Variants in BTBD1 observed in about 807,000 individuals in gnomAD.
The protein encoded by BTBD1 is BTB domain containing 1.
Under a neutral mutation model 48.0 loss-of-function variants are expected in BTBD1, and 34 were observed. That is an observed-to-expected ratio of 0.71 (90% CI 0.54 to 0.94). BTBD1 has a LOEUF of 0.94. Among genes scored for constraint, BTBD1 ranks in the 40% least tolerant of loss-of-function variants. The pLI is 0.00. For synonymous variants in BTBD1, 261 were observed against 242.1 expected (o/e 1.08, Z -0.72); for missense variants, 543 against 625.6 (o/e 0.87, Z 1.41).
In BTBD1 at chr15:83,016,827, A is replaced by C. The variant is rs1310500856; in HGVS notation, c.*1240T>G. On this transcript the variant is annotated 3_prime_UTR_variant, in exon 8 of 8. Transcript: ENST00000261721. ...ACAATATAAAGTGAAATATTACTTTAGATGAAAATTTTTTGTATCTTACTT... is the reference window on the plus strand; with the variant it reads ...ACAATATAAAGTGAAATATTACTTTCGATGAAAATTTTTTGTATCTTACTT... 1 of 152,212 alleles carries C rather than the reference A, an allele frequency of 6.6e-6. No homozygotes were observed. The highest frequency in any genetic ancestry group is 1.9e-4 in the East Asian group (1 of 5,198). 9.4% of individuals were successfully genotyped at this position (152,212 alleles called of 1,614,324 possible).
chr15:83,046,545 C>T (rs2032882437), intron 3 of BTBD1, among the ~76,000 whole-genome samples: 1 of 152,152 alleles, frequency 6.6e-6, no homozygotes, highest in African/African-American at 2.4e-5. Flanking sequence ...GATTCCCAGG[C>T]TCCAACGGCA....
At chr15:83,038,221 C>T (rs966139624) in intron 4 of BTBD1, among the ~76,000 whole-genome samples, 5 of 152,140 alleles carry the variant, frequency 3.3e-5, no homozygotes, top group African/African-American at 1.2e-4. Context: ...AGAGCCAAAT[C>T]ATGAATGCAA....
chr15:83,052,054 T>C lies in BTBD1; in HGVS notation c.559-1876A>G, dbSNP rs576154582. On this transcript the variant is annotated intron_variant, in intron 2 of 7. Coordinates refer to ENST00000261721, the MANE Select transcript of BTBD1 (RefSeq NM_025238.4). ...TTACTGCAACCTCTACCTCCCAGGT[T>C]CAAGGGATTCACCTGCCTCAGCCTC... 2.0e-5 allele frequency among the ~76,000 whole-genome samples: 3 copies of C among 152,212 alleles called. No individual in the cohort carries two copies. In the East Asian group the frequency reaches 5.8e-4, roughly 29 times the overall value.
intron 5 of BTBD1, among the ~76,000 whole-genome samples, chr15:83,022,981 T>C (rs1364931744): frequency 6.6e-6 from 1 of 151,942 alleles, no homozygotes; most frequent in Non-Finnish European, 1.5e-5. Flanking sequence ...AAATAATACA[T>C]TGTGCTTAAA....
At chr15:83,026,321 C>A (rs913301549) in intron 5 of BTBD1, among the ~76,000 whole-genome samples, 1 of 151,944 alleles carries the variant, frequency 6.6e-6, no homozygotes, top group African/African-American at 2.4e-5. Flanking sequence ...GAGGCATACT[C>A]GATTTCACAA....
chr15:83,020,492 T>C (rs2032273170), intron 6 of BTBD1, 183 bp downstream of exon 6: 1 of 488,210 alleles, frequency 2.0e-6, no homozygotes, highest in East Asian at 3.3e-5. Flanking sequence ...AGGACCCCAA[T>C]TTTCTGCAAC....
chr15:83,042,351 TA>T (rs1567108275), intron 3 of BTBD1, among the ~76,000 whole-genome samples: 4 of 90,128 alleles, frequency 4.4e-5, no homozygotes, highest in African/African-American at 2.3e-4. Flanking sequence ...GGCAATTTTA[TA>T]TATATATATA....
intron 3 of BTBD1, among the ~76,000 whole-genome samples, chr15:83,045,203 T>G (rs2032853420): frequency 6.6e-6 from 1 of 152,134 alleles, no homozygotes; most frequent in Non-Finnish European, 1.5e-5. Context: ...TTAAATACTA[T>G]TCTACAATAT....
chr15:83,062,670 T>C (rs1299930051), intron 1 of BTBD1, among the ~76,000 whole-genome samples: 1 of 152,172 alleles, frequency 6.6e-6, no homozygotes, highest in African/African-American at 2.4e-5. Context: ...GTATAAAACA[T>C]TACTTCACGA....
rs1185290780 is a variant in BTBD1 at position 83,027,466 on chromosome 15, G to A, written c.1055+2670C>T. Among the ~76,000 whole-genome samples the A allele has an allele frequency of 3.3e-5, 5 of 152,160 alleles. No individual in the cohort carries two copies. The East Asian group carries it at 9.6e-4, about 29-fold the overall frequency. ...TTGTCTGAGGCTGCCCCACTAAGAG[G>A]TGCCAGAGCTGGCCTTCAAGCCCCA... On this transcript the variant is annotated intron_variant, in intron 5 of 7. Coordinates refer to ENST00000261721, the MANE Select transcript of BTBD1 (RefSeq NM_025238.4).
At chr15:83,042,587 T>A (rs1348636371) in intron 3 of BTBD1, among the ~76,000 whole-genome samples, 1 of 151,928 alleles carries the variant, frequency 6.6e-6, no homozygotes, top group African/African-American at 2.4e-5. Flanking sequence ...TTTCACCATG[T>A]TGGCCAGCCT....
At chr15:83,019,160 A>G (rs2032234829) in intron 6 of BTBD1, among the ~76,000 whole-genome samples, 1 of 151,988 alleles carries the variant, frequency 6.6e-6, no homozygotes, top group Non-Finnish European at 1.5e-5. Context: ...CCCAAGCTGA[A>G]GCAATTTTCG....
chr15:83,020,723 G>A lies in BTBD1; in HGVS notation c.1095C>T (p.Gly365=), dbSNP rs1421301213. 2 of 1,608,756 alleles carry A rather than the reference G, an allele frequency of 1.2e-6. No homozygotes were observed. Among genetic ancestry groups the A allele is most frequent in the South Asian group, 2.2e-5 (2 of 90,910 alleles). Residue 365 remains glycine, a synonymous_variant, in exon 6 of 8, where the codon GGC becomes GGT. Transcript: ENST00000261721. Reference sequence around the variant, plus strand: ...TAGGGCCATGAATAGATCCATACAAGCCAAATCCAACTATAGAGATCCTTC... The same window carrying A: ...TAGGGCCATGAATAGATCCATACAAACCAAATCCAACTATAGAGATCCTTC... ...VNRRISIVGF[G]LYGSIHGPTD...
chr15:83,016,608 A>G lies in BTBD1; in HGVS notation c.*1459T>C, dbSNP rs2032171332. 1 of 152,070 alleles carries G rather than the reference A, an allele frequency of 6.6e-6. No homozygotes were observed. Among genetic ancestry groups the G allele is most frequent in the South Asian group, 2.1e-4 (1 of 4,822 alleles). The allele number at this position is 152,070 out of a possible 1,614,324, so 9.4% of individuals were successfully genotyped here. A position where few individuals can be genotyped will look rare whatever the true frequency, so the allele number is the denominator to read the frequency against. On this transcript the variant is annotated 3_prime_UTR_variant, in exon 8 of 8. Transcript: ENST00000261721. ...CACTAACTCATCTCTGGCATATCAT[A>G]TTTTTTAAGGCAGAAGTATTTTCTG...
intron 5 of BTBD1, among the ~76,000 whole-genome samples, chr15:83,028,311 A>G (rs2032451441): frequency 6.6e-6 from 1 of 152,174 alleles, no homozygotes; most frequent in Admixed American, 6.5e-5. Context: ...ATTGAAATTA[A>G]ATTGTTTTTC....
chr15:83,067,000 G>C lies in BTBD1; in HGVS notation c.152C>G (p.Thr51Ser), dbSNP rs2033291030. The C allele has an allele frequency of 3.2e-6, 5 of 1,586,004 alleles. No homozygotes were observed. In the African/African-American group the frequency reaches 4.2e-5, roughly 13 times the overall value. The change falls in exon 1 of 8, where the codon ACC (threonine) becomes AGC (serine). Residue 51 changes from threonine (T) to serine (S), a missense_variant. Physicochemically the swap from Thr to Ser is moderately conservative, Grantham distance 58 (BLOSUM62 1). Coordinates refer to ENST00000261721, the MANE Select transcript of BTBD1 (RefSeq NM_025238.4). ...GAAGCGCTCCTTCAGCGACGCCTTG[G>C]TCGCCTGCCAGTTGTAGAGAGGTTC... ...QREPLYNWQA[T>S]KASLKERFAF...
intron 7 of BTBD1, among the ~76,000 whole-genome samples, 184 bp from the exon 8 acceptor site, chr15:83,018,409 T>A (rs2032214024): frequency 1.3e-5 from 2 of 152,256 alleles, no homozygotes; most frequent in Non-Finnish European, 2.9e-5. Context: ...AAATACTGAA[T>A]GTACAGCCCA....
intron 2 of BTBD1, among the ~76,000 whole-genome samples, chr15:83,055,698 G>A (rs755325815): frequency 1.3e-5 from 2 of 152,158 alleles, no homozygotes; most frequent in Admixed American, 6.5e-5. Flanking sequence ...TCCAAAGATC[G>A]TTAATTTTAG....
At chr15:83,050,373 A>G (rs2032957361) in intron 2 of BTBD1, among the ~76,000 whole-genome samples, 195 bp from the exon 3 acceptor site, 1 of 152,052 alleles carries the variant, frequency 6.6e-6, no homozygotes, top group Admixed American at 6.6e-5. Flanking sequence ...AAAAATACAA[A>G]TGCCCTGCTA....
Sources: allele counts gnomAD v4.1 joint callset (sites outside exome capture counted in the v4.1 genomes callset), GRCh38; gene constraint gnomAD v4.1.1; transcripts MANE v1.5; gene names NCBI Gene and HGNC (gene_info 2026-07-23, HGNC 2026-07-21).